TRDN: variants seen among roughly 807,000 people sequenced by gnomAD.
TRDN encodes triadin.
In TRDN, 161 loss-of-function variants were observed where a neutral mutation model predicts 149.7. The observed-to-expected ratio is 1.08, with a 90% CI of 0.95 to 1.23. TRDN has a LOEUF of 1.23. TRDN is among the 50% of genes most tolerant of loss of function. The pLI is 0.00. For missense variants in TRDN, 896 were observed against 823.5 expected, an observed-to-expected ratio of 1.09 and a Z score of -1.08; for synonymous variants, 294 against 250.5, an observed-to-expected ratio of 1.17 and a Z score of -1.64.
intron 4 of TRDN, among the ~76,000 whole-genome samples, chr6:123,535,317 C>A (rs1780472819): frequency 6.6e-6 from 1 of 152,062 alleles, no homozygotes; most frequent in Admixed American, 6.6e-5. Context: ...TTCAAGGGCA[C>A]TGAAGGATTT....
chr6:123,230,459 C>T (rs1489221423), intron 38 of TRDN, among the ~76,000 whole-genome samples: 1 of 151,676 alleles, frequency 6.6e-6, no homozygotes, highest in Non-Finnish European at 1.5e-5. Flanking sequence ...GTGGGTGCAG[C>T]ACACCAACAT....
intron 38 of TRDN, among the ~76,000 whole-genome samples, chr6:123,246,339 G>C (rs1406322917): frequency 2.6e-5 from 4 of 151,940 alleles, no homozygotes; most frequent in African/African-American, 9.7e-5. Context: ...CCACTAGCCA[G>C]ACTAATACAG....
At chr6:123,501,955 C>T (rs1778719432) in intron 8 of TRDN, 1 of 984,998 alleles carries the variant, frequency 1.0e-6, no homozygotes, top group African/African-American at 1.7e-5. Context: ...TAAAATGTGG[C>T]TCCCAAATCC....
intron 1 of TRDN, among the ~76,000 whole-genome samples, chr6:123,600,891 A>G (rs1346293389): frequency 6.6e-6 from 1 of 152,138 alleles, no homozygotes; most frequent in Non-Finnish European, 1.5e-5. Context: ...ATAGTATTAT[A>G]TGCACTTTTG....
chr6:123,481,961 C>T (rs1450463591), intron 9 of TRDN, among the ~76,000 whole-genome samples: 2 of 152,278 alleles, frequency 1.3e-5, no homozygotes, highest in African/African-American at 2.4e-5. Context: ...CAATTTGGCA[C>T]TTTTTAATCA....
chr6:123,278,211 A>G, intron 26 of TRDN, 107 bp downstream of exon 26: 1 of 783,704 alleles, frequency 1.3e-6, no homozygotes, highest in Non-Finnish European at 1.8e-6. Context: ...GGTCAAGGAT[A>G]AAATTTGATA....
chr6:123,301,770 C>CAT (rs35364593), intron 24 of TRDN, among the ~76,000 whole-genome samples: 14,853 of 57,706 alleles, frequency 0.26, 1,370 homozygotes, highest in South Asian at 0.32. Flanking sequence ...TATATATATA[C>CAT]ATATATATAT....
chr6:123,576,048 A>G (rs1782838060), intron 1 of TRDN, among the ~76,000 whole-genome samples: 1 of 152,126 alleles, frequency 6.6e-6, no homozygotes, highest in Admixed American at 6.6e-5. Context: ...TCTCTCTTTC[A>G]AGATGTGTAG....
chr6:123,506,909 A>G (rs1168184691), intron 7 of TRDN, among the ~76,000 whole-genome samples: 1 of 152,110 alleles, frequency 6.6e-6, no homozygotes, highest in Non-Finnish European at 1.5e-5. Context: ...AGATAGTTTG[A>G]TCTATCTGTC....
At chr6:123,278,720 A>G (rs903817468) in intron 25 of TRDN, among the ~76,000 whole-genome samples, 9 of 152,198 alleles carry the variant, frequency 5.9e-5, no homozygotes, top group African/African-American at 2.2e-4. Context: ...CAGTGAGCAG[A>G]GATCACACCA....
At chr6:123,426,541 A>G (rs1334322246) in intron 12 of TRDN, among the ~76,000 whole-genome samples, 3 of 152,180 alleles carry the variant, frequency 2.0e-5, no homozygotes, top group Non-Finnish European at 1.5e-5. Flanking sequence ...GGTTTACCAC[A>G]TTCCGCTGAT....
chr6:123,307,383 C>T (rs548755913), intron 24 of TRDN, among the ~76,000 whole-genome samples: 1 of 152,090 alleles, frequency 6.6e-6, no homozygotes, highest in East Asian at 1.9e-4. Flanking sequence ...GTTCCTTGCT[C>T]CTCCTCTTCA....
chr6:123,397,964 G>A (rs1194482403), intron 12 of TRDN, among the ~76,000 whole-genome samples: 3 of 152,104 alleles, frequency 2.0e-5, no homozygotes, highest in Non-Finnish European at 4.4e-5. Context: ...GCTGTCTCTT[G>A]CTACTTCATC....
At chr6:123,501,684 T>C in intron 8 of TRDN, 1 of 291,846 alleles carries the variant, frequency 3.4e-6, no homozygotes, top group Non-Finnish European at 5.1e-6. Context: ...TTCTCAATAC[T>C]GAGACTTGCT....
At chr6:123,534,429 T>C (rs1427645104) in intron 4 of TRDN, among the ~76,000 whole-genome samples, 1 of 152,190 alleles carries the variant, frequency 6.6e-6, no homozygotes, top group Non-Finnish European at 1.5e-5. Context: ...ACTGTTGATA[T>C]CTGTTGTCAG....
chr6:123,581,159 G>A (rs890135295), intron 1 of TRDN, among the ~76,000 whole-genome samples: 3 of 152,150 alleles, frequency 2.0e-5, no homozygotes, highest in Non-Finnish European at 4.4e-5. Context: ...GTGGCCAAAA[G>A]TTCCTGATGA....
At chr6:123,552,404 A>G (rs1365014314) in intron 2 of TRDN, among the ~76,000 whole-genome samples, 2 of 152,188 alleles carry the variant, frequency 1.3e-5, no homozygotes, top group Non-Finnish European at 2.9e-5. Flanking sequence ...TAAAAAATCA[A>G]GACCATAGTT....
chr6:123,410,863 C>G (rs1773405137), intron 12 of TRDN, among the ~76,000 whole-genome samples: 2 of 151,894 alleles, frequency 1.3e-5, no homozygotes, highest in South Asian at 4.1e-4. Context: ...TTTTGCTTCA[C>G]AAATACATAA....
chr6:123,247,685 T>C (rs1239776984), intron 38 of TRDN, among the ~76,000 whole-genome samples: 1 of 152,166 alleles, frequency 6.6e-6, no homozygotes, highest in African/African-American at 2.4e-5. Context: ...TAAAGTAATT[T>C]ATGGATTCAA....
Sources: allele counts gnomAD v4.1 joint callset (sites outside exome capture counted in the v4.1 genomes callset), GRCh38; gene constraint gnomAD v4.1.1; transcripts MANE v1.5; gene names NCBI Gene and HGNC (gene_info 2026-07-23, HGNC 2026-07-21).